Variants in METTL15 observed in about 807,000 individuals in gnomAD.
METTL15 encodes methyltransferase 15, mitochondrial 12S rRNA N4-cytidine.
Under a neutral mutation model 38.3 loss-of-function variants are expected in METTL15, and 34 were observed. The ratio of observed to expected loss-of-function variants is 0.89; its 90% CI spans 0.68 to 1.18. The LOEUF is 1.18. Ranked by LOEUF, METTL15 falls within the 50% of genes most tolerant of loss-of-function variation. The pLI, the probability that METTL15 is intolerant of heterozygous loss-of-function variation, is 0.00. For synonymous variants in METTL15, 162 were observed against 170.9 expected (o/e 0.95, Z 0.41); for missense variants, 438 against 498.4 (o/e 0.88, Z 1.15).
rs1223930644 is a variant in METTL15 at position 28,113,351 on chromosome 11, A to T, written c.17A>T (p.Tyr6Phe). The T allele has an allele frequency of 6.4e-7, 1 of 1,560,108 alleles. No homozygotes were observed. The highest frequency in any genetic ancestry group is 8.7e-7 in the Non-Finnish European group (1 of 1,151,642). ...ACCTACAAAATGCTTCGGTATCCAT[A>T]TTTTTGTAGAATGTATAAAGAATGC... MLRYP[Y>F]FCRMYKECLS... is the part of the protein sequence containing the mutation. Residue 6 changes from tyrosine to phenylalanine, a missense_variant, in exon 3 of 7, where the codon TAT becomes TTT. By Grantham distance (22) the Tyr-to-Phe change is conservative. Coordinates refer to ENST00000407364, the MANE Select transcript of METTL15 (RefSeq NM_001113528.2).
At chr11:28,512,866 G>A (rs963856683) in intron 6 of METTL15, among the ~76,000 whole-genome samples, 4 of 152,204 alleles carry the variant, frequency 2.6e-5, no homozygotes, top group African/African-American at 9.6e-5. Context: ...AGCAAGGGCT[G>A]CGAGGGCTGC....
intron 6 of METTL15, among the ~76,000 whole-genome samples, chr11:28,451,917 A>G (rs1247558007): frequency 6.6e-6 from 1 of 152,152 alleles, no homozygotes; most frequent in Non-Finnish European, 1.5e-5. Context: ...TGTTCTTCCA[A>G]ACTCCCATCT....
chr11:28,239,386 G>C (rs1365629299), intron 4 of METTL15, among the ~76,000 whole-genome samples: 1 of 152,060 alleles, frequency 6.6e-6, no homozygotes, highest in African/African-American at 2.4e-5. Flanking sequence ...CAATTCTGTT[G>C]GAAATCCCAT....
chr11:28,397,434 G>A, intron 5 of METTL15, among the ~76,000 whole-genome samples: 1 of 152,140 alleles, frequency 6.6e-6, no homozygotes, highest in Non-Finnish European at 1.5e-5. Context: ...TGAAAGATAT[G>A]AACAGATACT....
chr11:28,329,489 A>C (rs2134062030), intron 6 of METTL15, among the ~76,000 whole-genome samples: 1 of 152,278 alleles, frequency 6.6e-6, no homozygotes, highest in South Asian at 2.1e-4. Flanking sequence ...TGTACAAAGA[A>C]GTCAGCTGGA....
chr11:28,152,277 A>T (rs969115860), intron 3 of METTL15, among the ~76,000 whole-genome samples: 2 of 151,868 alleles, frequency 1.3e-5, no homozygotes, highest in Non-Finnish European at 2.9e-5. Context: ...TGCTAACCTC[A>T]TAAGCACTAG....
At chr11:28,391,197 T>C (rs1206627554) in intron 5 of METTL15, among the ~76,000 whole-genome samples, 3 of 152,056 alleles carry the variant, frequency 2.0e-5, no homozygotes, top group Non-Finnish European at 4.4e-5. Context: ...TGACTTCCTC[T>C]TTTCCTAATT....
chr11:28,124,681 C>T (rs1282878364), intron 3 of METTL15, among the ~76,000 whole-genome samples: 1 of 152,050 alleles, frequency 6.6e-6, no homozygotes. Context: ...GCAAAAACTC[C>T]ATGAATTTCT....
At chr11:28,447,859 G>A (rs1049478001) in intron 6 of METTL15, among the ~76,000 whole-genome samples, 11 of 152,074 alleles carry the variant, frequency 7.2e-5, no homozygotes, top group African/African-American at 2.7e-4. Flanking sequence ...CTTTCATGTG[G>A]ACTGAGGCAC....
chr11:28,418,045 G>A (rs992639470), intron 5 of METTL15, among the ~76,000 whole-genome samples: 7 of 152,090 alleles, frequency 4.6e-5, no homozygotes, highest in African/African-American at 1.7e-4. Context: ...ACCTGTGGGG[G>A]ATCCGGTTTG....
At chr11:28,386,948 TGAA>T (rs1451138200) in intron 5 of METTL15, among the ~76,000 whole-genome samples, 3 of 151,942 alleles carry the variant, frequency 2.0e-5, no homozygotes, top group Non-Finnish European at 4.4e-5. Flanking sequence ...AGAACACTAT[TGAA>T]GAATCATTGG....
At chr11:28,423,357 C>A (rs1005920474) in intron 5 of METTL15, among the ~76,000 whole-genome samples, 3 of 151,554 alleles carry the variant, frequency 2.0e-5, no homozygotes, top group Non-Finnish European at 3.0e-5. Flanking sequence ...GATACCCCCC[C>A]AAAAAAAGAA....
chr11:28,427,603 C>A (rs144500813), intron 6 of METTL15, among the ~76,000 whole-genome samples: 234 of 152,186 alleles, frequency 1.5e-3, no homozygotes, highest in Non-Finnish European at 2.5e-3. Context: ...TCCTCTCTGA[C>A]TTCTTTGAGC....
At chr11:28,397,099 A>T (rs1455417975) in intron 5 of METTL15, among the ~76,000 whole-genome samples, 1 of 152,174 alleles carries the variant, frequency 6.6e-6, no homozygotes, top group Non-Finnish European at 1.5e-5. Flanking sequence ...TTCAAGATGG[A>T]TTAAAGACTT....
In METTL15 at chr11:28,418,415, C is replaced by A. The variant is rs1212128739; in HGVS notation, c.*359-5884C>A. On this transcript the variant is annotated intron_variant and NMD_transcript_variant, in intron 5 of 7. Transcript: ENST00000532947. ...TACTGAGTTTCATGTAGGTGAAGTG[C>A]TTCTTTTCAGTGGGTCTATTTTGAA... Among the ~76,000 whole-genome samples the A allele has an allele frequency of 2.0e-5, 3 of 152,054 alleles. No homozygotes were observed. In the East Asian group the frequency reaches 5.8e-4, roughly 29 times the overall value.
intron 4 of METTL15, among the ~76,000 whole-genome samples, chr11:28,216,897 T>C (rs1360688699): frequency 6.4e-5 from 3 of 46,790 alleles, no homozygotes; most frequent in South Asian, 6.6e-4. Context: ...GAACTCATCT[T>C]TTTTTATGGC....
At chr11:28,174,022 C>T (rs1205648562) in intron 3 of METTL15, among the ~76,000 whole-genome samples, 1 of 152,110 alleles carries the variant, frequency 6.6e-6, no homozygotes, top group Non-Finnish European at 1.5e-5. Flanking sequence ...ACAGATTTCT[C>T]CATTGTAAAG....
intron 3 of METTL15, among the ~76,000 whole-genome samples, chr11:28,152,777 A>G (rs1850136605): frequency 6.8e-6 from 1 of 147,226 alleles, no homozygotes; most frequent in South Asian, 2.3e-4. Flanking sequence ...AGAATTAGAA[A>G]GGAATAAAAG....
At chr11:28,405,433 C>G (rs1850665517) in intron 5 of METTL15, among the ~76,000 whole-genome samples, 1 of 152,140 alleles carries the variant, frequency 6.6e-6, no homozygotes, top group South Asian at 2.1e-4. Flanking sequence ...CTACAATTTA[C>G]TTTTTCTCAA....
Sources: gnomAD v4.1 joint callset for allele counts (sites outside exome capture counted in the v4.1 genomes callset) on GRCh38, gnomAD v4.1.1 for gene constraint, MANE v1.5 for transcripts, NCBI Gene and HGNC (gene_info 2026-07-23, HGNC 2026-07-21) for gene names.